TXNDC11: variants seen among roughly 807,000 people sequenced by gnomAD.
The protein encoded by TXNDC11 is thioredoxin domain containing 11.
TXNDC11 carries 68 observed loss-of-function variants against 78.0 expected under a neutral mutation model. The ratio of observed to expected loss-of-function variants is 0.87; its 90% CI spans 0.72 to 1.07. TXNDC11 has a LOEUF of 1.07. TXNDC11 is among the 50% of genes least tolerant of loss of function. TXNDC11 has a pLI of 0.00. For synonymous variants in TXNDC11, 571 were observed against 495.2 expected (o/e 1.15, Z -2.03); for missense variants, 1,389 against 1,221.8 (o/e 1.14, Z -2.04).
chr16:11,715,473 A>G (rs1355339646), intron 5 of TXNDC11, among the ~76,000 whole-genome samples: 1 of 152,110 alleles, frequency 6.6e-6, no homozygotes, highest in Non-Finnish European at 1.5e-5. Flanking sequence ...AAAAAAAAAA[A>G]AAAAAAGAAT....
Position 11,730,701 on chromosome 16 carries a change from G to T in TXNDC11, c.643C>A (p.Pro215Thr), listed in dbSNP as rs2052019541. 6.2e-7 allele frequency: 1 copy of T among 1,613,572 alleles called. No individual in the cohort carries two copies. The highest frequency in any genetic ancestry group is 8.5e-7 in the Non-Finnish European group (1 of 1,179,778). Residue 215 changes from proline to threonine, a missense_variant, in exon 4 of 12, where the codon CCA becomes ACA. Pro to Thr is a conservative substitution (Grantham distance 38). Transcript: ENST00000283033. ...IEKFVRRVMK[P>T]LLYIPSQSEL... is the part of the protein sequence containing the mutation. ...GATTGAGATGGGATGTAGAGAAGTG[G>T]TTTCATCACCCGGCGGACAAACTTC...
At chr16:11,724,503 T>G (rs1196107526) in intron 4 of TXNDC11, among the ~76,000 whole-genome samples, 2 of 152,088 alleles carry the variant, frequency 1.3e-5, no homozygotes, top group African/African-American at 2.4e-5. Flanking sequence ...GTGGCTTATG[T>G]CTATAATCCC....
chr16:11,713,046 G>A (rs1281879404), intron 5 of TXNDC11, among the ~76,000 whole-genome samples: 1 of 150,666 alleles, frequency 6.6e-6, no homozygotes, highest in Non-Finnish European at 1.5e-5. Flanking sequence ...GGCGGAGGTT[G>A]CGGTGAGTCA....
At chr16:11,717,286 C>T (rs1237836240) in intron 5 of TXNDC11, among the ~76,000 whole-genome samples, 6 of 150,990 alleles carry the variant, frequency 4.0e-5, no homozygotes, top group Non-Finnish European at 5.9e-5. Context: ...ATTAGGCGGG[C>T]GTGGTAGTGG....
chr16:11,682,697 G>C (rs536055188), intron 11 of TXNDC11, among the ~76,000 whole-genome samples: 20 of 152,286 alleles, frequency 1.3e-4, no homozygotes, highest in Admixed American at 1.1e-3. Context: ...AGATGAAAGT[G>C]TTAGTGTTAC....
intron 4 of TXNDC11, among the ~76,000 whole-genome samples, chr16:11,727,723 T>C (rs2051926425): frequency 6.7e-6 from 1 of 148,966 alleles, no homozygotes; most frequent in Non-Finnish European, 1.5e-5. Context: ...TTAATTTTCA[T>C]CTTCTCTCTA....
rs776396676 is a variant in TXNDC11, at chr16:11,679,396, C to T, written c.2676G>A (p.Thr892=). The change falls in exon 12 of 12, where the codon ACG becomes ACA. Residue 892 remains threonine, a synonymous_variant. Transcript: ENST00000283033. This position sits in a 1 kb window ranked among gnomAD's most constrained non-coding sequence, Gnocchi z 4.6. ...DASENLLTEN[T]WLKILVATME... is the part of the protein sequence containing the mutation. ...TGGTCGCCACCAGGATCTTGAGCCA[C>T]GTGTTCTCGGTAAGGAGGTTTTCTG... 20 of 1,611,710 alleles carry T rather than the reference C, an allele frequency of 1.2e-5. No individual in the cohort carries two copies. Among genetic ancestry groups the T allele is most frequent in the South Asian group, 7.7e-5 (7 of 90,974 alleles).
chr16:11,709,423 A>ATTTT lies in TXNDC11; in HGVS notation c.794-8863_794-8860dup, dbSNP rs149701958. 7.7e-4 allele frequency among the ~76,000 whole-genome samples: 43 copies of ATTTT among 55,572 alleles called. 3 individuals carry two copies. The highest frequency in any genetic ancestry group is 3.2e-3 in the African/African-American group (41 of 12,752). 36.5% of individuals were successfully genotyped at this position (55,572 alleles called of 152,430 possible). ...CCACCATGCGTAGCTAATTTTTTGTATTTTTTTTTTTTTTTTTTTTTTTTT... is the reference window on the plus strand; with the variant it reads ...CCACCATGCGTAGCTAATTTTTTGTATTTTTTTTTTTTTTTTTTTTTTTTTTTTT... On this transcript the variant is annotated intron_variant, in intron 5 of 11. Coordinates refer to ENST00000283033, the MANE Select transcript of TXNDC11 (RefSeq NM_015914.7).
chr16:11,739,528 A>G (rs1006686296), intron 1 of TXNDC11, among the ~76,000 whole-genome samples: 1 of 152,164 alleles, frequency 6.6e-6, no homozygotes, highest in Non-Finnish European at 1.5e-5. Flanking sequence ...GGCAACATAG[A>G]AAAAAGGCCT....
intron 3 of TXNDC11, among the ~76,000 whole-genome samples, chr16:11,732,203 T>C (rs1175138412): frequency 6.6e-6 from 1 of 152,186 alleles, no homozygotes; most frequent in East Asian, 1.9e-4. Flanking sequence ...CTGCAAAAGC[T>C]AAGCAAGCAA....
intron 5 of TXNDC11, among the ~76,000 whole-genome samples, chr16:11,708,885 AG>A (rs1179839822): frequency 2.6e-5 from 4 of 152,242 alleles, no homozygotes; most frequent in African/African-American, 9.6e-5. Context: ...CAGAAAAAGG[AG>A]AAAAATAGGA....
chr16:11,715,226 C>T (rs187822244), intron 5 of TXNDC11, among the ~76,000 whole-genome samples: 13 of 152,142 alleles, frequency 8.5e-5, no homozygotes, highest in African/African-American at 2.9e-4. Context: ...AAAAACAAAA[C>T]AAAACAAAAC....
At chr16:11,694,833 G>A (rs1466587603) in intron 7 of TXNDC11, among the ~76,000 whole-genome samples, 1 of 150,728 alleles carries the variant, frequency 6.6e-6, no homozygotes, top group African/African-American at 2.5e-5. Context: ...TTACCTAACA[G>A]GCAGTTTTGA....
chr16:11,688,459 G>C lies in TXNDC11; in HGVS notation c.1901-14C>G. 1 of 1,592,358 alleles carries C rather than the reference G, an allele frequency of 6.3e-7. No individual in the cohort carries two copies. ...GAATAAAAGACTCTAAAAATAAAGA[G>C]AAAATGAGATCAACTCTCCTCTAGA... On this transcript the variant is annotated splice_polypyrimidine_tract_variant and intron_variant, in intron 8 of 11. Coordinates refer to ENST00000283033, the MANE Select transcript of TXNDC11 (RefSeq NM_015914.7).
intron 5 of TXNDC11, among the ~76,000 whole-genome samples, chr16:11,720,240 A>G (rs9926621): frequency 0.021 from 3,145 of 152,246 alleles, 102 homozygotes; most frequent in East Asian, 0.11. Context: ...AAAAATACAG[A>G]TGTGAGAAGC....
chr16:11,691,287 TACCTAGGGTGAGCTTC>T lies in TXNDC11; in HGVS notation c.1887_1900+2del. 2 of 1,608,140 alleles carry T rather than the reference TACCTAGGGTGAGCTTC, an allele frequency of 1.2e-6. No homozygotes were observed. Among genetic ancestry groups the T allele is most frequent in the Non-Finnish European group, 1.7e-6 (2 of 1,177,066 alleles). On this transcript the variant is annotated splice_donor_variant and coding_sequence_variant, in exon 8 of 12. Coordinates refer to ENST00000283033, the MANE Select transcript of TXNDC11 (RefSeq NM_015914.7). LOFTEE classifies it high-confidence loss of function. The stretch of plus-strand genomic sequence containing the variant: ...GCTTGGGGAAATAAACTGCCTGCAG[TACCTAGGGTGAGCTTC>T]ATCAGTGCTTGCTTTGGATCCAAGA...
intron 5 of TXNDC11, among the ~76,000 whole-genome samples, chr16:11,714,980 G>A (rs2051485769): frequency 1.3e-5 from 2 of 152,116 alleles, no homozygotes; most frequent in Non-Finnish European, 2.9e-5. Context: ...GCCGGGCGTG[G>A]TGGCTCACGC....
chr16:11,726,490 G>C (rs1043279595), intron 4 of TXNDC11, among the ~76,000 whole-genome samples: 3 of 147,260 alleles, frequency 2.0e-5, no homozygotes, highest in Non-Finnish European at 4.4e-5. Context: ...TGAGGCAGGA[G>C]AATCACTTGA....
chr16:11,735,571 C>G (rs2052194742), intron 2 of TXNDC11, among the ~76,000 whole-genome samples: 1 of 152,178 alleles, frequency 6.6e-6, no homozygotes, highest in African/African-American at 2.4e-5. Context: ...TCTTTCTTAC[C>G]TAGCCCAAAG....
Sources: gnomAD v4.1 joint callset for allele counts (sites outside exome capture counted in the v4.1 genomes callset) on GRCh38, gnomAD v4.1.1 for gene constraint, Gnocchi (gnomAD v3.1) non-coding constraint, MANE v1.5 for transcripts, NCBI Gene and HGNC (gene_info 2026-07-23, HGNC 2026-07-21) for gene names.